PLEC: variants seen among roughly 807,000 people sequenced by gnomAD.
PLEC encodes the protein plectin, also known as hemidesmosomal protein 1.
Under a neutral mutation model 392.8 loss-of-function variants are expected in PLEC, and 216 were observed. That is an observed-to-expected ratio of 0.55 (90% CI 0.49 to 0.62). The LOEUF (loss-of-function observed/expected upper bound fraction) is 0.62. Ranked by LOEUF, PLEC falls within the 20% of genes least tolerant of loss-of-function variation. The pLI, the probability that PLEC is intolerant of heterozygous loss-of-function variation, is 0.00. For missense variants in PLEC, 6,863 were observed against 6,563.4 expected (o/e 1.05, Z -1.58); for synonymous variants, 3,621 against 2,980.6 (o/e 1.21, Z -7.00).
At position 143,916,461 on chromosome 8, in the gene PLEC, T is replaced by C; in HGVS notation, c.13360A>G (p.Met4454Val). ...CGCAGCCCCGTGCCCTCCTCCACCA[T>C]GCTGCGGTCCAGCGCGTCCTTATAG... ...ISYKDALDRS[M>V]VEEGTGLRLL... Residue 4454 changes from methionine (M) to valine (V), a missense_variant, in exon 32 of 32, where the codon ATG (methionine) becomes GTG (valine). By Grantham distance (21) the Met-to-Val change is conservative. Coordinates refer to ENST00000345136, the MANE Select transcript of PLEC (RefSeq NM_201384.3). The C allele has an allele frequency of 1.2e-6, 2 of 1,610,130 alleles. No homozygotes were observed. Among genetic ancestry groups the C allele is most frequent in the East Asian group, 2.2e-5 (1 of 44,592 alleles).
rs1254577041 is a variant in PLEC at position 143,935,034 on chromosome 8, C to G, written c.802G>C (p.Val268Leu). ...LYDAMPRVPD[V>L]QDGVRANELQ... ...ACGTTGGCCCTCACCCCATCCTGCA[C>G]GTCCGGCACGCGGGGCATGGCGTCA... Residue 268 changes from valine to leucine, a missense_variant, in exon 8 of 32, where the codon GTG becomes CTG. Coordinates refer to ENST00000345136, the MANE Select transcript of PLEC (RefSeq NM_201384.3). 1 of 1,612,724 alleles carries G rather than the reference C, an allele frequency of 6.2e-7. No individual in the cohort carries two copies.
upstream of PLEC, among the ~76,000 whole-genome samples, chr8:143,954,700 G>T (rs758491358): frequency 2.0e-4 from 31 of 152,220 alleles, no homozygotes; most frequent in Non-Finnish European, 3.1e-4. The surrounding 1 kb of genome is among the most constrained non-coding windows in gnomAD (Gnocchi z 4.6). Flanking sequence ...GGTGAGGTCA[G>T]CTCTGCCTCA....
At chr8:143,943,028 A>G (rs1246249901), upstream of PLEC, among the ~76,000 whole-genome samples, 2 of 152,204 alleles carry the variant, frequency 1.3e-5, no homozygotes, top group Non-Finnish European at 2.9e-5. Flanking sequence ...ATGGGGAAGA[A>G]GCCCTCAGCC....
Position 143,929,825 on chromosome 8 carries a change from C to T in PLEC, c.2744G>A (p.Arg915His), listed in dbSNP as rs781951273. 36 of 1,599,120 alleles carry T rather than the reference C, an allele frequency of 2.3e-5. No individual in the cohort carries two copies. The highest frequency in any genetic ancestry group is 3.3e-5 in the South Asian group (3 of 90,894). ...LIRSWSLATFRTLKPEEQRQA... is the reference protein window; with the variant it reads ...LIRSWSLATFHTLKPEEQRQA... The stretch of plus-strand genomic sequence containing the variant: ...GCGCTGCTCCTCTGGCTTCAGGGTG[C>T]GGAACTGGGGGAAGCACGTGGGGCT... Residue 915 changes from arginine to histidine, a missense_variant, in exon 23 of 32, where the codon CGC (arginine) becomes CAC (histidine). Physicochemically the swap from Arg to His is conservative, Grantham distance 29. Coordinates refer to ENST00000345136, the MANE Select transcript of PLEC (RefSeq NM_201384.3).
chr8:143,954,998 C>T (rs551542720), upstream of PLEC, among the ~76,000 whole-genome samples: 95 of 152,294 alleles, frequency 6.2e-4, no homozygotes, highest in Admixed American at 2.0e-3. The surrounding 1 kb of genome is among the most constrained non-coding windows in gnomAD (Gnocchi z 4.6). Flanking sequence ...GCAGCTCCCA[C>T]GGGTACGAGC....
At position 143,950,478 on chromosome 8, in the gene PLEC, C is replaced by T; in HGVS notation, c.229G>A (p.Glu77Lys). 1.9e-6 allele frequency: 3 copies of T among 1,607,846 alleles called. No individual in the cohort carries two copies. The South Asian group carries it at 3.3e-5, about 18-fold the overall frequency. Residue 77 changes from glutamate to lysine, a missense_variant, in exon 1 of 32, where the codon GAA (glutamate) becomes AAA (lysine). Transcript: ENST00000322810. ...TACTGGCGGAGGTGGGCGATGCCTTCATTGGTGAGGTACCAGTAAAAGTGG... is the reference window on the plus strand; with the variant it reads ...TACTGGCGGAGGTGGGCGATGCCTTTATTGGTGAGGTACCAGTAAAAGTGG...
At position 143,932,618 on chromosome 8, in the gene PLEC, G is replaced by A; in HGVS notation, c.1815+17C>T. On this transcript the variant is annotated intron_variant, in intron 15 of 31. Coordinates refer to ENST00000345136, the MANE Select transcript of PLEC (RefSeq NM_201384.3). ...GCGGGCTACCCACCTCCCCCGGCTGGCCCTGCCCCCACTCACCAGCAGCTT... is the reference window on the plus strand; with the variant it reads ...GCGGGCTACCCACCTCCCCCGGCTGACCCTGCCCCCACTCACCAGCAGCTT... 8.1e-6 allele frequency: 13 copies of A among 1,611,036 alleles called. No homozygotes were observed. The highest frequency in any genetic ancestry group is 1.1e-5 in the Non-Finnish European group (13 of 1,179,272).
Position 143,934,400 on chromosome 8 carries a change from G to C in PLEC, c.1087C>G (p.Pro363Ala). Reference sequence around the variant, plus strand: ...CCCCACTCCTTCTCCACATCCAGCGGGTGGTAGCCAGGGGGCACCTTGAGC... The same window carrying C: ...CCCCACTCCTTCTCCACATCCAGCGCGTGGTAGCCAGGGGGCACCTTGAGC... ...GQLKVPPGYH[P>A]LDVEKEWGKL... The change falls in exon 11 of 32, where the codon CCG (proline) becomes GCG (alanine). Residue 363 changes from proline (P) to alanine (A), a missense_variant. By Grantham distance (27) the Pro-to-Ala change is conservative (BLOSUM62 -1). Transcript: ENST00000345136. The C allele has an allele frequency of 1.2e-6, 2 of 1,612,354 alleles. No homozygotes were observed. Among genetic ancestry groups the C allele is most frequent in the African/African-American group, 1.3e-5 (1 of 75,062 alleles).
upstream of PLEC, among the ~76,000 whole-genome samples, chr8:143,956,517 G>A (rs1297421445): frequency 2.6e-5 from 4 of 152,248 alleles, no homozygotes; most frequent in Admixed American, 6.5e-5. Flanking sequence ...GCAGTGAGCC[G>A]TGATTGCGCC....
chr8:143,936,896 G>T, intron 5 of PLEC, 83 bp downstream of exon 5: 1 of 1,099,670 alleles, frequency 9.1e-7, no homozygotes, highest in Non-Finnish European at 1.4e-6. Context: ...TAGCCAGAAA[G>T]CGGATCAACC....
At chr8:143,966,655 G>T (rs1280123234) in intron 1 of PLEC, among the ~76,000 whole-genome samples, 1 of 152,180 alleles carries the variant, frequency 6.6e-6, no homozygotes, top group African/African-American at 2.4e-5. Context: ...TCGGCTGGGG[G>T]GGTACAAAAG....
chr8:143,922,529 T>G lies in PLEC; in HGVS notation c.7400A>C (p.Lys2467Thr). 6.2e-7 allele frequency: 1 copy of G among 1,611,534 alleles called. No homozygotes were observed. Among genetic ancestry groups the G allele is most frequent in the Non-Finnish European group, 8.5e-7 (1 of 1,179,998 alleles). ...CTCCTCAGACTTGAGCTGCAGCAGT[T>G]TGGCCTCCTGTTGGAGCTTCTCCTT... is the stretch of plus-strand genomic sequence containing the variant. ...REKEKLQQEA[K>T]LLQLKSEEMQ... Residue 2467 changes from lysine to threonine, a missense_variant, in exon 31 of 32, where the codon AAA becomes ACA. Lys to Thr is a moderately conservative substitution (Grantham distance 78, BLOSUM62 -1). Coordinates refer to ENST00000345136, the MANE Select transcript of PLEC (RefSeq NM_201384.3).
chr8:143,943,805 C>T, upstream of PLEC: 1 of 1,612,310 alleles, frequency 6.2e-7, no homozygotes, highest in South Asian at 1.1e-5. Flanking sequence ...CCACCGACGT[C>T]CCCTGCGCCA....
In PLEC at chr8:143,922,012, C is replaced by T. The variant is rs1449755278; in HGVS notation, c.7809G>A (p.Glu2603=). 1.6e-5 allele frequency: 26 copies of T among 1,597,950 alleles called. No homozygotes were observed. Among genetic ancestry groups the T allele is most frequent in the Non-Finnish European group, 2.1e-5 (25 of 1,179,574 alleles). Residue 2603 remains glutamate, a synonymous_variant, in exon 32 of 32, where the codon GAG becomes GAA. Coordinates refer to ENST00000345136, the MANE Select transcript of PLEC (RefSeq NM_201384.3). ...RLREQLQLLE[E]QHRAALAHSE... Reference sequence around the variant, plus strand: ...AGTGCGCCAGCGCGGCCCGGTGCTGCTCCTCCAGGAGCTGCAGCTGCTCAC... The same window carrying T: ...AGTGCGCCAGCGCGGCCCGGTGCTGTTCCTCCAGGAGCTGCAGCTGCTCAC...
At chr8:143,960,961 G>T (rs1458616626) in intron 1 of PLEC, among the ~76,000 whole-genome samples, 1 of 152,190 alleles carries the variant, frequency 6.6e-6, no homozygotes, top group African/African-American at 2.4e-5. Flanking sequence ...CTCCCGCTCT[G>T]CACGGGGACC....
At position 143,924,544 on chromosome 8, in the gene PLEC, C is replaced by A. The variant is rs972495282; in HGVS notation, c.5385G>T (p.Arg1795=). 4 of 1,540,886 alleles carry A rather than the reference C, an allele frequency of 2.6e-6. No individual in the cohort carries two copies. The highest frequency in any genetic ancestry group is 2.5e-5 in the East Asian group (1 of 40,812). ...SKQRLEAEAG[R]FRELAEEAAR... is the part of the protein sequence containing the mutation. Reference sequence around the variant, plus strand: ...CGGCCTCCTCGGCCAGCTCGCGGAACCGGCCGGCCTCGGCCTCCAGCCTCT... The same window carrying A: ...CGGCCTCCTCGGCCAGCTCGCGGAAACGGCCGGCCTCGGCCTCCAGCCTCT... Residue 1795 remains arginine (R), a synonymous_variant, in exon 31 of 32, where the codon CGG becomes CGT. Coordinates refer to ENST00000345136, the MANE Select transcript of PLEC (RefSeq NM_201384.3).
At chr8:143,947,220 G>A (rs1208178641) in intron 1 of PLEC, among the ~76,000 whole-genome samples, 1 of 152,198 alleles carries the variant, frequency 6.6e-6, no homozygotes, top group Non-Finnish European at 1.5e-5. Flanking sequence ...AGAGGGTCAA[G>A]GGGGGAGGTC....
intron 30 of PLEC, 24 bp from the exon 31 acceptor site, chr8:143,925,908 A>G (rs886119075): frequency 2.0e-6 from 3 of 1,534,984 alleles, no homozygotes; most frequent in South Asian, 1.2e-5. Flanking sequence ...AGAGAGAAGA[A>G]GAGAAGCAGA....
At chr8:143,937,893 C>T (rs538652075) in intron 3 of PLEC, 12 of 637,828 alleles carry the variant, frequency 1.9e-5, no homozygotes, top group Middle Eastern at 2.4e-4. Flanking sequence ...TGTCCCGACG[C>T]GGAGGGCGGC....
Sources: gnomAD v4.1 joint callset for allele counts (sites outside exome capture counted in the v4.1 genomes callset) on GRCh38, gnomAD v4.1.1 for gene constraint, Gnocchi (gnomAD v3.1) non-coding constraint, MANE v1.5 for transcripts, NCBI Gene and HGNC (gene_info 2026-07-23, HGNC 2026-07-21) for gene names.